The following ARHGAP39 variants were observed in gnomAD, a reference collection of about 807,000 sequenced individuals.
ARHGAP39 encodes rho GTPase-activating protein 39.
A neutral mutation model predicts 106.9 loss-of-function variants in ARHGAP39; 44 were observed. The ratio of observed to expected loss-of-function variants is 0.41; its 90% confidence interval spans 0.32 to 0.53. The LOEUF (loss-of-function observed/expected upper bound fraction) is 0.53, where lower values mean the gene tolerates loss of function less well. Ranked by LOEUF, ARHGAP39 falls within the 20% of genes least tolerant of loss-of-function variation. ARHGAP39 has a pLI of 0.21. For missense variants in ARHGAP39, 1,496 were observed against 1,577.3 expected (o/e 0.95, Z 0.87); for synonymous variants, 768 against 693.2 (o/e 1.11, Z -1.69).
At chr8:144,682,125 C>T (rs569390407) in intron 1 of ARHGAP39, among the ~76,000 whole-genome samples, 5 of 142,380 alleles carry the variant, frequency 3.5e-5, no homozygotes, top group East Asian at 2.1e-4. Context: ...AAAAATTAGC[C>T]GGGCGTGGTG....
chr8:144,536,969 A>G (rs1816981612), intron 7 of ARHGAP39, among the ~76,000 whole-genome samples: 2 of 152,184 alleles, frequency 1.3e-5, no homozygotes, highest in South Asian at 4.1e-4. Flanking sequence ...CTCTAGACAG[A>G]TGAGTGGGCG....
At chr8:144,555,515 G>T in intron 4 of ARHGAP39, 45 bp downstream of exon 4, 1 of 1,541,786 alleles carries the variant, frequency 6.5e-7, no homozygotes, top group Non-Finnish European at 9.0e-7. Context: ...CACTGAGGAA[G>T]CCGCCCTCCA....
intron 1 of ARHGAP39, among the ~76,000 whole-genome samples, chr8:144,607,673 G>C (rs1820344580): frequency 1.3e-5 from 2 of 152,212 alleles, no homozygotes; most frequent in South Asian, 4.1e-4. Context: ...GTGACGGGAA[G>C]GGACACTGCA....
rs949151237 is a variant in ARHGAP39 at position 144,644,785 on chromosome 8, C to T, written c.-81-39090G>A. Among the ~76,000 whole-genome samples, 2 of 152,238 alleles carry T rather than the reference C, an allele frequency of 1.3e-5. No homozygotes were observed. The highest frequency in any genetic ancestry group is 2.9e-5 in the Non-Finnish European group (2 of 68,046). ...CAGGTGTCTGCACAGCTCTTGGCTGCACCTGCACTCTGAGTCATTGCAGGC... is the reference window on the plus strand; with the variant it reads ...CAGGTGTCTGCACAGCTCTTGGCTGTACCTGCACTCTGAGTCATTGCAGGC... On this transcript the variant is annotated intron_variant, in intron 1 of 11. Transcript: ENST00000377307. This position sits in a 1 kb window ranked among gnomAD's most constrained non-coding sequence, Gnocchi z 4.8.
At position 144,559,356 on chromosome 8, in the gene ARHGAP39, A is replaced by C. The variant is rs1189595815; in HGVS notation, c.513-3713T>G. Among the ~76,000 whole-genome samples, 31 of 53,970 alleles carry C rather than the reference A, an allele frequency of 5.7e-4. No homozygotes were observed. The South Asian group carries it at 0.033, about 57-fold the overall frequency. The allele number at this position is 53,970 out of a possible 152,430, so 35.4% of individuals were successfully genotyped here. A position where few individuals can be genotyped will look rare whatever the true frequency, so the allele number is the denominator to read the frequency against. ...GGGTGACAGAGTGACTTTGTCTCCAAAAAAAAAAAAAAAAAAAAAAAAAAA... is the reference window on the plus strand; with the variant it reads ...GGGTGACAGAGTGACTTTGTCTCCACAAAAAAAAAAAAAAAAAAAAAAAAA... On this transcript the variant is annotated intron_variant, in intron 3 of 11. Transcript: ENST00000377307.
chr8:144,561,527 C>A (rs960327022), intron 3 of ARHGAP39, among the ~76,000 whole-genome samples: 5 of 151,584 alleles, frequency 3.3e-5, no homozygotes, highest in African/African-American at 9.8e-5. Flanking sequence ...TTCCATCAGA[C>A]CCCAGTGGTT....
chr8:144,549,890 T>C (rs1003095267), intron 4 of ARHGAP39, among the ~76,000 whole-genome samples: 14 of 152,352 alleles, frequency 9.2e-5, no homozygotes, highest in Admixed American at 2.6e-4. Context: ...TTACTACTTT[T>C]CTATTCAGCT....
chr8:144,553,387 G>C (rs138382643), intron 4 of ARHGAP39, among the ~76,000 whole-genome samples: 2 of 152,200 alleles, frequency 1.3e-5, no homozygotes, highest in African/African-American at 2.4e-5. Context: ...TCTGGCGAGC[G>C]TGAGTCCCAC....
chr8:144,530,148 G>C lies in ARHGAP39; in HGVS notation c.*274C>G, dbSNP rs1564830245. ...CCAGGACACAGAAGGCACTTTCTCGGAGCTGACCCGCGGCCAGCGGAGGGC... is the reference window on the plus strand; with the variant it reads ...CCAGGACACAGAAGGCACTTTCTCGCAGCTGACCCGCGGCCAGCGGAGGGC... On this transcript the variant is annotated 3_prime_UTR_variant, in exon 12 of 12. Coordinates refer to ENST00000377307, the MANE Select transcript of ARHGAP39 (RefSeq NM_025251.3). The C allele has an allele frequency of 2.0e-6, 1 of 499,478 alleles. No individual in the cohort carries two copies. 30.9% of individuals were successfully genotyped at this position (499,478 alleles called of 1,614,324 possible).
rs193244145 is a variant in ARHGAP39 at position 144,542,107 on chromosome 8, G to A, written c.2521+3142C>T. On this transcript the variant is annotated intron_variant, in intron 6 of 11. Coordinates refer to ENST00000377307, the MANE Select transcript of ARHGAP39 (RefSeq NM_025251.3). ...GACCTTGTTGGATGCATGAAGAAGC[G>A]AGCAGTGAATGAAACCTTTAGGAGT... Among the ~76,000 whole-genome samples the A allele has an allele frequency of 7.8e-4, 119 of 152,302 alleles. 1 individual carries two copies. The highest frequency in any genetic ancestry group is 5.0e-4 in the Non-Finnish European group (34 of 68,018).
At chr8:144,532,045 A>G (rs1816744859) in intron 10 of ARHGAP39, among the ~76,000 whole-genome samples, 1 of 147,098 alleles carries the variant, frequency 6.8e-6, no homozygotes, top group Non-Finnish European at 1.5e-5. Context: ...TAGGCTAGAC[A>G]TAGCAGGCAC....
At chr8:144,551,036 CG>C (rs1817669749) in intron 4 of ARHGAP39, among the ~76,000 whole-genome samples, 1 of 152,202 alleles carries the variant, frequency 6.6e-6, no homozygotes, top group Admixed American at 6.5e-5. Flanking sequence ...AGAAAACCCT[CG>C]GTCAATGCGA....
chr8:144,614,654 G>A (rs945697555), intron 1 of ARHGAP39, among the ~76,000 whole-genome samples: 9 of 152,108 alleles, frequency 5.9e-5, no homozygotes, highest in East Asian at 5.8e-4. Flanking sequence ...TGCCTGGCCC[G>A]TTACTATTCT....
intron 2 of ARHGAP39, among the ~76,000 whole-genome samples, chr8:144,593,226 G>C (rs1819473174): frequency 6.6e-6 from 1 of 152,140 alleles, no homozygotes; most frequent in African/African-American, 2.4e-5. Flanking sequence ...TGAATGTAAT[G>C]AGTGCCACGT....
At chr8:144,676,102 G>A (rs1332319141) in intron 1 of ARHGAP39, among the ~76,000 whole-genome samples, 4 of 152,198 alleles carry the variant, frequency 2.6e-5, no homozygotes, top group Non-Finnish European at 5.9e-5. Context: ...GATTTAGTGC[G>A]AAGAGCAAAA....
intron 1 of ARHGAP39, among the ~76,000 whole-genome samples, chr8:144,622,487 G>C (rs1820831320): frequency 6.6e-6 from 1 of 152,006 alleles, no homozygotes; most frequent in African/African-American, 2.4e-5. Flanking sequence ...CCGAGGGCCA[G>C]AGCGGCTGTG....
intron 7 of ARHGAP39, among the ~76,000 whole-genome samples, chr8:144,534,441 C>T (rs997174043): frequency 7.2e-5 from 11 of 152,330 alleles, no homozygotes; most frequent in African/African-American, 2.4e-4. Flanking sequence ...CGCCTGGCAG[C>T]TCCACCTGCC....
intron 6 of ARHGAP39, among the ~76,000 whole-genome samples, chr8:144,542,445 C>T (rs1026924176): frequency 2.0e-5 from 3 of 152,142 alleles, no homozygotes; most frequent in African/African-American, 2.4e-5. Context: ...GCACCAGGCT[C>T]AGCTCTGCTC....
chr8:144,551,560 G>A (rs1050301905), intron 4 of ARHGAP39, among the ~76,000 whole-genome samples: 8 of 152,192 alleles, frequency 5.3e-5, no homozygotes, highest in Non-Finnish European at 1.0e-4. Flanking sequence ...GCTAGGTGAG[G>A]ACCACGCCCC....
Sources: allele counts gnomAD v4.1 joint callset (sites outside exome capture counted in the v4.1 genomes callset), GRCh38; gene constraint gnomAD v4.1.1; non-coding constraint Gnocchi (gnomAD v3.1); transcripts MANE v1.5; gene names NCBI Gene and HGNC (gene_info 2026-07-23, HGNC 2026-07-21).